The following FSIP1 variants were observed in gnomAD, a reference collection of about 807,000 sequenced individuals.
FSIP1 encodes fibrous sheath interacting protein 1.
A neutral mutation model predicts 60.9 loss-of-function variants in FSIP1; 65 were observed. The observed-to-expected ratio is 1.07, with a 90% confidence interval of 0.87 to 1.31. FSIP1 has a LOEUF of 1.31. FSIP1 is among the 40% of genes most tolerant of loss of function. FSIP1 has a pLI of 0.00. For synonymous variants in FSIP1, 209 were observed against 221.2 expected (o/e 0.94, Z 0.49); for missense variants, 675 against 665.5 (o/e 1.01, Z -0.16).
intron 10 of FSIP1, among the ~76,000 whole-genome samples, chr15:39,638,827 C>G (rs199846424): frequency 0.027 from 3,806 of 143,504 alleles, 151 homozygotes; most frequent in East Asian, 0.12. Flanking sequence ...TGTGTGTGTG[C>G]GCGTGTGTGT....
intron 10 of FSIP1, among the ~76,000 whole-genome samples, chr15:39,681,046 G>T: frequency 6.6e-6 from 1 of 152,160 alleles, no homozygotes; most frequent in South Asian, 2.1e-4. Context: ...GACCAGCCAC[G>T]ACCCCCTTCT....
chr15:39,716,029 C>T (rs992202111), intron 9 of FSIP1, among the ~76,000 whole-genome samples: 4 of 152,096 alleles, frequency 2.6e-5, no homozygotes, highest in Admixed American at 2.0e-4. Context: ...TATAAATTAC[C>T]CATTCTCAGG....
chr15:39,749,481 T>C (rs1308180671), intron 5 of FSIP1, among the ~76,000 whole-genome samples: 2 of 152,058 alleles, frequency 1.3e-5, no homozygotes, highest in Admixed American at 6.6e-5. Context: ...TCAAGTGGGA[T>C]TTATCCCTGG....
chr15:39,759,011 C>G (rs987777811), intron 5 of FSIP1, among the ~76,000 whole-genome samples: 3 of 151,996 alleles, frequency 2.0e-5, no homozygotes, highest in African/African-American at 7.2e-5. Context: ...TAACTCATAT[C>G]TAATACCAAA....
intron 5 of FSIP1, among the ~76,000 whole-genome samples, chr15:39,757,450 A>G (rs1897333966): frequency 6.6e-6 from 1 of 152,132 alleles, no homozygotes; most frequent in African/African-American, 2.4e-5. Flanking sequence ...TTCTGCTAAT[A>G]ATACCAAGTT....
At chr15:39,776,164 A>G (rs1290146729) in intron 2 of FSIP1, among the ~76,000 whole-genome samples, 45 of 82,978 alleles carry the variant, frequency 5.4e-4, no homozygotes, top group Admixed American at 1.4e-3. Flanking sequence ...GGAGGGGAGG[A>G]GCAGAGGGAG....
At chr15:39,634,939 C>A (rs1892065814) in intron 10 of FSIP1, among the ~76,000 whole-genome samples, 1 of 146,948 alleles carries the variant, frequency 6.8e-6, no homozygotes, top group Non-Finnish European at 1.5e-5. Flanking sequence ...TAACACAGAG[C>A]CAAAAAGAAG....
intron 3 of FSIP1, 50 bp from the exon 4 acceptor site, chr15:39,765,796 A>T: frequency 9.4e-7 from 1 of 1,067,580 alleles, no homozygotes. Flanking sequence ...TAAAACTATA[A>T]AGTTTTGTTT....
At chr15:39,711,403 C>T (rs1388219755) in intron 10 of FSIP1, among the ~76,000 whole-genome samples, 1 of 152,108 alleles carries the variant, frequency 6.6e-6, no homozygotes, top group African/African-American at 2.4e-5. Context: ...ACCTCCTAAT[C>T]CCATCACCTT....
At chr15:39,675,360 G>C (rs1418095492) in intron 10 of FSIP1, among the ~76,000 whole-genome samples, 2 of 152,054 alleles carry the variant, frequency 1.3e-5, no homozygotes, top group Non-Finnish European at 2.9e-5. Flanking sequence ...GAAAACTAGA[G>C]GAAATTTTGT....
At chr15:39,756,964 A>C (rs1897318738) in intron 5 of FSIP1, among the ~76,000 whole-genome samples, 1 of 152,120 alleles carries the variant, frequency 6.6e-6, no homozygotes, top group Non-Finnish European at 1.5e-5. Flanking sequence ...CCAGAAATAC[A>C]ATGTGAACTC....
chr15:39,763,686 G>T (rs1180510713), intron 5 of FSIP1, 135 bp downstream of exon 5: 1 of 612,088 alleles, frequency 1.6e-6, no homozygotes, highest in Non-Finnish European at 3.0e-6. Context: ...TACCTAATGT[G>T]ATCAATTATT....
At chr15:39,662,333 A>G (rs1893329268) in intron 10 of FSIP1, among the ~76,000 whole-genome samples, 1 of 152,156 alleles carries the variant, frequency 6.6e-6, no homozygotes, top group Admixed American at 6.5e-5. Context: ...ATAAAGTTTT[A>G]AAGTTTAGCT....
intron 11 of FSIP1, 72 bp downstream of exon 11, chr15:39,617,663 T>G: frequency 7.6e-7 from 1 of 1,323,982 alleles, no homozygotes; most frequent in Non-Finnish European, 1.0e-6. Context: ...GACTCTAATT[T>G]AAACCATAAT....
chr15:39,680,049 T>G (rs1894098333), intron 10 of FSIP1, among the ~76,000 whole-genome samples: 4 of 152,142 alleles, frequency 2.6e-5, no homozygotes, highest in Non-Finnish European at 5.9e-5. Context: ...GTGAAGAAAG[T>G]GCACCTCTTA....
intron 10 of FSIP1, among the ~76,000 whole-genome samples, chr15:39,620,031 G>C (rs940911431): frequency 2.6e-5 from 4 of 151,972 alleles, no homozygotes; most frequent in Non-Finnish European, 5.9e-5. Flanking sequence ...AAATGAAGCA[G>C]AAGGAAAATC....
chr15:39,751,184 T>G (rs1487151986), intron 5 of FSIP1, among the ~76,000 whole-genome samples: 1 of 151,890 alleles, frequency 6.6e-6, no homozygotes, highest in Non-Finnish European at 1.5e-5. Flanking sequence ...TACAGATTGG[T>G]GGAGCCATTA....
At chr15:39,610,402 T>C (rs905031714) in intron 11 of FSIP1, among the ~76,000 whole-genome samples, 6 of 152,048 alleles carry the variant, frequency 3.9e-5, no homozygotes, top group African/African-American at 1.4e-4. Context: ...ACAAAGACGG[T>C]CAGGCGCAGT....
chr15:39,624,640 C>T (rs1445960210), intron 10 of FSIP1, among the ~76,000 whole-genome samples: 1 of 152,196 alleles, frequency 6.6e-6, no homozygotes, highest in East Asian at 1.9e-4. Context: ...AGCTCCTTCC[C>T]TCCCTTTTCC....
Sources: allele counts gnomAD v4.1 joint callset (sites outside exome capture counted in the v4.1 genomes callset), GRCh38; gene constraint gnomAD v4.1.1; transcripts MANE v1.5; gene names NCBI Gene and HGNC (gene_info 2026-07-23, HGNC 2026-07-21).